Variants in C4orf17 observed in about 807,000 individuals in gnomAD.
C4orf17 encodes the protein uncharacterized protein C4orf17.
A neutral mutation model predicts 32.0 loss-of-function variants in C4orf17; 25 were observed. That is an observed-to-expected ratio of 0.78 (90% CI 0.57 to 1.09). The LOEUF is 1.09. Ranked by LOEUF, C4orf17 falls within the 50% of genes least tolerant of loss-of-function variation. The probability of loss-of-function intolerance (pLI) is 0.00; values close to 1 mark genes in which losing one functional copy is unlikely to be tolerated. For synonymous variants in C4orf17, 149 were observed against 145.8 expected (o/e 1.02, Z -0.16); for missense variants, 420 against 420.0 (o/e 1.00, Z 0.00).
chr4:99,512,169 A>C (rs564137208), intron 1 of C4orf17, among the ~76,000 whole-genome samples: 1 of 152,372 alleles, frequency 6.6e-6, no homozygotes, highest in South Asian at 2.1e-4. Context: ...GGTTATAAAT[A>C]AAATGTGTAT....
intron 6 of C4orf17, 69 bp downstream of exon 6, chr4:99,537,819 A>T: frequency 8.9e-7 from 1 of 1,122,790 alleles, no homozygotes; most frequent in Non-Finnish European, 1.3e-6. Context: ...ATATGCCAAT[A>T]TCTGAAGTTT....
chr4:99,522,754 C>A (rs1723315498), intron 3 of C4orf17, 45 bp downstream of exon 3: 2 of 1,480,130 alleles, frequency 1.4e-6, no homozygotes, highest in Non-Finnish European at 1.9e-6. Flanking sequence ...ATGCCTCCTG[C>A]AAACAAGGCT....
At chr4:99,533,952 C>T (rs760631132) in intron 5 of C4orf17, among the ~76,000 whole-genome samples, 7 of 152,298 alleles carry the variant, frequency 4.6e-5, no homozygotes, top group African/African-American at 7.2e-5. Context: ...ATATTAATTA[C>T]GTTCAAGAAC....
intron 2 of C4orf17, among the ~76,000 whole-genome samples, chr4:99,517,028 G>A (rs570961783): frequency 1.3e-5 from 2 of 152,160 alleles, no homozygotes; most frequent in African/African-American, 2.4e-5. Flanking sequence ...TTGATGGCTC[G>A]CTTAAACAAC....
At position 99,522,607 on chromosome 4, in the gene C4orf17, G is replaced by C; in HGVS notation, c.235G>C (p.Ala79Pro). The C allele has an allele frequency of 6.2e-7, 1 of 1,613,884 alleles. No individual in the cohort carries two copies. The highest frequency in any genetic ancestry group is 8.5e-7 in the Non-Finnish European group (1 of 1,179,866). The part of the protein sequence containing the change: ...NYLEKNRIPF[A>P]NCSYPSSTAV... ...CTTAGAGAAGAACAGGATACCATTT[G>C]CCAATTGCAGTTACCCCTCCAGCAC... is the stretch of plus-strand genomic sequence containing the variant. The change falls in exon 3 of 9, where the codon GCC becomes CCC. Residue 79 changes from alanine to proline, a missense_variant. By Grantham distance (27) the Ala-to-Pro change is conservative. Coordinates refer to ENST00000326581, the MANE Select transcript of C4orf17 (RefSeq NM_032149.3).
In C4orf17 at chr4:99,528,922, AT is replaced by A. The variant is rs370711379; in HGVS notation, c.403-890del. 3.1e-3 allele frequency among the ~76,000 whole-genome samples: 478 copies of A among 152,238 alleles called. 2 individuals carry two copies. The highest frequency in any genetic ancestry group is 0.01 in the African/African-American group (430 of 41,546). On this transcript the variant is annotated intron_variant, in intron 4 of 8. Coordinates refer to ENST00000326581, the MANE Select transcript of C4orf17 (RefSeq NM_032149.3). ...TCAGTTGATGAGAAAAAAAAATTGGATTTGTTATACATCATCTCACGTAAAG... is the reference window on the plus strand; with the variant it reads ...TCAGTTGATGAGAAAAAAAAATTGGATTGTTATACATCATCTCACGTAAAG...
chr4:99,519,392 T>C (rs1422482084), intron 2 of C4orf17: 11 of 152,202 alleles, frequency 7.2e-5, no homozygotes, highest in Non-Finnish European at 7.3e-5. Context: ...CTACAGCAAT[T>C]ACCACACCTT....
intron 4 of C4orf17, among the ~76,000 whole-genome samples, chr4:99,529,221 C>T (rs560288975): frequency 7.2e-5 from 11 of 152,128 alleles, no homozygotes; most frequent in Non-Finnish European, 1.6e-4. Flanking sequence ...GGATCTAAGG[C>T]TTCTGTAACT....
Position 99,541,963 on chromosome 4 carries a change from G to A in C4orf17, c.934G>A (p.Val312Ile). Residue 312 changes from valine to isoleucine, a missense_variant, in exon 9 of 9, where the codon GTT (valine) becomes ATT (isoleucine). Coordinates refer to ENST00000326581, the MANE Select transcript of C4orf17 (RefSeq NM_032149.3). ...LIRRNNMKIP[V>I]AEYFSKPNSP... is the part of the protein sequence containing the mutation. ...AAGAAGAAATAATATGAAAATACCT[G>A]TTGCAGAATATTTCAGCAAACCAAA... is the stretch of plus-strand genomic sequence containing the variant. 1 of 1,613,846 alleles carries A rather than the reference G, an allele frequency of 6.2e-7. No homozygotes were observed.
At chr4:99,512,397 C>T (rs1383053468) in intron 1 of C4orf17, among the ~76,000 whole-genome samples, 1 of 152,114 alleles carries the variant, frequency 6.6e-6, no homozygotes, top group Non-Finnish European at 1.5e-5. Flanking sequence ...GTCTATGACA[C>T]CATAGGTGTC....
chr4:99,541,732 A>C (rs775675644), intron 8 of C4orf17, 178 bp from the exon 9 acceptor site: 3 of 585,464 alleles, frequency 5.1e-6, no homozygotes, highest in Non-Finnish European at 9.1e-6. Flanking sequence ...TAACTCATTA[A>C]AGATGAGCAT....
At chr4:99,539,468 TC>T in intron 7 of C4orf17, 98 bp downstream of exon 7, 9 of 963,454 alleles carry the variant, frequency 9.3e-6, no homozygotes, top group Non-Finnish European at 1.5e-5. Flanking sequence ...AACAGGAGGT[TC>T]TAAAGCTCCG....
chr4:99,540,598 G>GC (rs1204073958), intron 8 of C4orf17, 143 bp downstream of exon 8: 5 of 575,850 alleles, frequency 8.7e-6, no homozygotes, highest in Non-Finnish European at 1.6e-5. Flanking sequence ...TCTTGAGAGA[G>GC]CATCTGCTTA....
chr4:99,515,911 A>C (rs1335454228), intron 2 of C4orf17, among the ~76,000 whole-genome samples: 1 of 152,198 alleles, frequency 6.6e-6, no homozygotes, highest in Non-Finnish European at 1.5e-5. Flanking sequence ...ATACACGAGG[A>C]CAAACATCCC....
intron 5 of C4orf17, among the ~76,000 whole-genome samples, chr4:99,532,585 T>G (rs1207078057): frequency 1.3e-5 from 2 of 152,194 alleles, no homozygotes; most frequent in Non-Finnish European, 2.9e-5. Context: ...AATGAGAAAC[T>G]ATCCGGAACT....
At chr4:99,531,226 A>G (rs928038511) in intron 5 of C4orf17, among the ~76,000 whole-genome samples, 3 of 152,036 alleles carry the variant, frequency 2.0e-5, no homozygotes, top group African/African-American at 7.2e-5. Context: ...TTTAAATCAT[A>G]TAAGATCTCA....
At chr4:99,527,060 C>T (rs529404705) in intron 4 of C4orf17, among the ~76,000 whole-genome samples, 2 of 152,076 alleles carry the variant, frequency 1.3e-5, no homozygotes, top group African/African-American at 4.8e-5. Context: ...ATAAGCATTA[C>T]TTTGCCTGCA....
Position 99,529,713 on chromosome 4 carries a change from C to A in C4orf17, c.403-102C>A, listed in dbSNP as rs529127629. The A allele has an allele frequency of 1.1e-5, 10 of 937,504 alleles. No individual in the cohort carries two copies. In the African/African-American group the frequency reaches 1.6e-4, roughly 15 times the overall value. The allele number at this position is 937,504 out of a possible 1,614,324, so 58.1% of individuals were successfully genotyped here. A position where few individuals can be genotyped will look rare whatever the true frequency, so the allele number is the denominator to read the frequency against. ...AACCTTTTTTTACTTTCATGTATCT[C>A]TCTTATTAGGCACAATATTTCTCAT... On this transcript the variant is annotated intron_variant, in intron 4 of 8. Transcript: ENST00000326581.
chr4:99,536,017 G>T (rs1010959262), intron 5 of C4orf17: 1 of 444,062 alleles, frequency 2.3e-6, no homozygotes, highest in South Asian at 1.6e-5. Context: ...CCAGACCCTG[G>T]TTGCCTTGAG....
Sources: gnomAD v4.1 joint callset for allele counts (sites outside exome capture counted in the v4.1 genomes callset) on GRCh38, gnomAD v4.1.1 for gene constraint, MANE v1.5 for transcripts, NCBI Gene and HGNC (gene_info 2026-07-23, HGNC 2026-07-21) for gene names.